FOXK2: variants seen among roughly 807,000 people sequenced by gnomAD.
FOXK2 encodes the protein forkhead box K2, also known as forkhead box protein K2.
Under a neutral mutation model 53.3 loss-of-function variants are expected in FOXK2, and 24 were observed. The ratio of observed to expected loss-of-function variants is 0.45; its 90% CI spans 0.33 to 0.63. The LOEUF is 0.63. Among genes scored for constraint, FOXK2 ranks in the 30% least tolerant of loss-of-function variants. The probability of loss-of-function intolerance (pLI) is 0.03; values close to 1 mark genes in which losing one functional copy is unlikely to be tolerated. For missense variants in FOXK2, 952 were observed against 910.5 expected, an observed-to-expected ratio of 1.05 and a Z score of -0.59; for synonymous variants, 505 against 407.1, an observed-to-expected ratio of 1.24 and a Z score of -2.89.
intron 6 of FOXK2, among the ~76,000 whole-genome samples, chr17:82,584,400 C>A (rs144465226): frequency 6.6e-6 from 1 of 151,882 alleles, no homozygotes; most frequent in Non-Finnish European, 1.5e-5. Context: ...TGAGTAGATG[C>A]CTGAAATAAC....
rs564364095 is a variant in FOXK2, at chr17:82,570,950, T to G, written c.763-774T>G. ...CAAGGTGAAGCCTCCATGGGGCTCT[T>G]CGTGGGCCAGGGGGCTCCTCCTCAT... On this transcript the variant is annotated intron_variant, in intron 3 of 8. Coordinates refer to ENST00000335255, the MANE Select transcript of FOXK2 (RefSeq NM_004514.4). 3.3e-5 allele frequency among the ~76,000 whole-genome samples: 5 copies of G among 152,264 alleles called. No individual in the cohort carries two copies. In the South Asian group the frequency reaches 1.0e-3, roughly 32 times the overall value.
rs137949572 is a variant in FOXK2 at position 82,587,112 on chromosome 17, C to G, written c.1626C>G (p.Ala542=). 280 of 1,612,950 alleles carry G rather than the reference C, an allele frequency of 1.7e-4. No individual in the cohort carries two copies. The highest frequency in any genetic ancestry group is 2.3e-4 in the Non-Finnish European group (268 of 1,180,018). The change falls in exon 8 of 9, where the codon GCC becomes GCG. Residue 542 remains alanine (A), a synonymous_variant. Coordinates refer to ENST00000335255, the MANE Select transcript of FOXK2 (RefSeq NM_004514.4). ...PAIGHATLGT[A]SRIIQTAQTT... ...TTGGCCACGCCACGCTCGGCACTGC[C>G]AGCCGGATCATTCAGACGGCACAGA...
intron 1 of FOXK2, among the ~76,000 whole-genome samples, chr17:82,528,989 C>T (rs1371477433): frequency 5.3e-5 from 8 of 152,188 alleles, no homozygotes; most frequent in Non-Finnish European, 7.3e-5. Flanking sequence ...GTGCTACTGG[C>T]ATCTAGTGGA....
intron 1 of FOXK2, among the ~76,000 whole-genome samples, chr17:82,560,313 C>T (rs561442728): frequency 2.0e-5 from 3 of 152,276 alleles, no homozygotes; most frequent in Admixed American, 6.5e-5. Context: ...CGGCCCTTCT[C>T]GCTGTTATTT....
intron 6 of FOXK2, among the ~76,000 whole-genome samples, chr17:82,584,883 A>C (rs1055173195): frequency 1.3e-5 from 2 of 152,226 alleles, no homozygotes; most frequent in Non-Finnish European, 2.9e-5. Flanking sequence ...TAGGTAAAAC[A>C]GTTTGCAGTT....
chr17:82,566,830 G>A (rs1410206159), intron 2 of FOXK2, among the ~76,000 whole-genome samples: 5 of 152,160 alleles, frequency 3.3e-5, no homozygotes, highest in South Asian at 2.1e-4. Context: ...CAGGTGGAGC[G>A]AGCCTGAGCA....
intron 8 of FOXK2, among the ~76,000 whole-genome samples, chr17:82,594,484 C>T (rs567589470): frequency 1.8e-3 from 220 of 122,680 alleles, no homozygotes; most frequent in African/African-American, 6.8e-3. Context: ...GGCGACAGAG[C>T]GAGACTGTCT....
At chr17:82,542,410 C>T (rs1001194715) in intron 1 of FOXK2, among the ~76,000 whole-genome samples, 5 of 152,110 alleles carry the variant, frequency 3.3e-5, no homozygotes, top group African/African-American at 1.2e-4. Flanking sequence ...GGTGATCCGC[C>T]CGTCTCTGGC....
rs1567985392 is a variant in FOXK2 at position 82,586,488 on chromosome 17, TCAAAGGTGGGCCGGG to T, written c.1576+289_1576+303del. On this transcript the variant is annotated intron_variant, in intron 7 of 8. Coordinates refer to ENST00000335255, the MANE Select transcript of FOXK2 (RefSeq NM_004514.4). ...GAGGAGAGGGGAGACCACAGGGAGGTCAAAGGTGGGCCGGGGGGGAAAGGAGGAGAGGGGAGACCA... is the reference window on the plus strand; with the variant it reads ...GAGGAGAGGGGAGACCACAGGGAGGTGGGGAAAGGAGGAGAGGGGAGACCA... Among the ~76,000 whole-genome samples the T allele has an allele frequency of 1.1e-3, 24 of 21,616 alleles. 5 individuals carry two copies. Among genetic ancestry groups the T allele is most frequent in the South Asian group, 3.6e-3 (2 of 556 alleles). The allele number at this position is 21,616 out of a possible 152,430, so 14.2% of individuals were successfully genotyped here.
intron 1 of FOXK2, among the ~76,000 whole-genome samples, chr17:82,537,093 C>T (rs967376940): frequency 6.6e-6 from 1 of 152,110 alleles, no homozygotes; most frequent in African/African-American, 2.4e-5. Flanking sequence ...GTAGAAGGTT[C>T]TTGCTGCTGG....
At chr17:82,576,768 C>T in intron 4 of FOXK2, 1 of 659,690 alleles carries the variant, frequency 1.5e-6, no homozygotes. Context: ...TCACCAGCTG[C>T]TTCATTTTTA....
chr17:82,555,885 CAAAAAAAAAAAAAAAAA>C (rs71168116), intron 1 of FOXK2, among the ~76,000 whole-genome samples: 5 of 74,216 alleles, frequency 6.7e-5, no homozygotes, highest in Non-Finnish European at 7.5e-5. Flanking sequence ...GACTCTATCA[CAAAAAAAAAAAAAAAAA>C]AAAAAAAAAA....
intron 1 of FOXK2, among the ~76,000 whole-genome samples, chr17:82,535,745 TTTGTTTTTG>T (rs1446879263): frequency 2.4e-5 from 3 of 127,490 alleles, no homozygotes; most frequent in Non-Finnish European, 5.1e-5. Flanking sequence ...GTTGTGTGTT[TTTGTTTTTG>T]TTTTTTTTTT....
At chr17:82,579,228 A>T (rs2045027973) in intron 4 of FOXK2, among the ~76,000 whole-genome samples, 1 of 152,112 alleles carries the variant, frequency 6.6e-6, no homozygotes. Context: ...TCTACTTCAC[A>T]CTTAAAATTC....
At chr17:82,553,523 T>A (rs1478705716) in intron 1 of FOXK2, among the ~76,000 whole-genome samples, 3 of 152,264 alleles carry the variant, frequency 2.0e-5, no homozygotes, top group Non-Finnish European at 4.4e-5. Flanking sequence ...TGGCAGGGGC[T>A]TTTGTTATGC....
chr17:82,582,595 G>T, intron 4 of FOXK2, 146 bp from the exon 5 acceptor site: 2 of 617,920 alleles, frequency 3.2e-6, no homozygotes, highest in Admixed American at 6.4e-5. Context: ...CATTACTTGT[G>T]TGACGCAAAA....
intron 1 of FOXK2, among the ~76,000 whole-genome samples, chr17:82,541,723 TC>T (rs1437039769): frequency 1.3e-5 from 2 of 151,080 alleles, no homozygotes; most frequent in Non-Finnish European, 3.0e-5. Context: ...GTGATTTTTT[TC>T]TTAATAGATG....
At chr17:82,570,073 T>G (rs1239912319) in intron 3 of FOXK2, among the ~76,000 whole-genome samples, 8 of 149,286 alleles carry the variant, frequency 5.4e-5, no homozygotes, top group African/African-American at 2.0e-4. Context: ...ATACAAAAAA[T>G]TAGCTGGGCG....
chr17:82,533,362 C>G (rs568397199), intron 1 of FOXK2, among the ~76,000 whole-genome samples: 7 of 152,088 alleles, frequency 4.6e-5, no homozygotes, highest in Admixed American at 2.0e-4. Context: ...TGGTAGCACA[C>G]GCCTGTAATC....
Sources: gnomAD v4.1 joint callset for allele counts (sites outside exome capture counted in the v4.1 genomes callset) on GRCh38, gnomAD v4.1.1 for gene constraint, MANE v1.5 for transcripts, NCBI Gene and HGNC (gene_info 2026-07-23, HGNC 2026-07-21) for gene names.